Variants in KHDRBS2 observed in about 807,000 individuals in gnomAD.
The protein encoded by KHDRBS2 is KH domain-containing, RNA-binding, signal transduction-associated protein 2.
In KHDRBS2, 26 loss-of-function variants were observed where a neutral mutation model predicts 44.3. The ratio of observed to expected loss-of-function variants is 0.59; its 90% CI spans 0.43 to 0.81. KHDRBS2 has a LOEUF of 0.81. Ranked by LOEUF, KHDRBS2 falls within the 40% of genes least tolerant of loss-of-function variation. KHDRBS2 has a pLI of 0.00. For synonymous variants in KHDRBS2, 194 were observed against 151.1 expected (o/e 1.28, Z -2.08); for missense variants, 476 against 433.1 (o/e 1.10, Z -0.88).
downstream of KHDRBS2, among the ~76,000 whole-genome samples, chr6:61,676,881 A>T (rs1196551966): frequency 1.3e-5 from 2 of 151,870 alleles, no homozygotes; most frequent in Admixed American, 6.6e-5. Context: ...GAGCCTGGAC[A>T]ACCTTTATCT....
At chr6:62,223,267 C>T (rs553216197) in intron 1 of KHDRBS2, among the ~76,000 whole-genome samples, 9 of 152,354 alleles carry the variant, frequency 5.9e-5, no homozygotes, top group Non-Finnish European at 1.0e-4. Context: ...TTGGGGCTTG[C>T]GCCTTCTGAA....
chr6:61,814,002 G>T, intron 6 of KHDRBS2: 1 of 455,858 alleles, frequency 2.2e-6, no homozygotes, highest in South Asian at 1.5e-5. Context: ...TTCGTCCTGG[G>T]TTAAGTCTGG....
the KHDRBS2 span, among the ~76,000 whole-genome samples, chr6:61,604,858 T>A: frequency 1.3e-5 from 2 of 152,312 alleles, no homozygotes; most frequent in East Asian, 3.9e-4. Flanking sequence ...TTTCTTCCCT[T>A]CTGTAAGACA....
the KHDRBS2 span, among the ~76,000 whole-genome samples, chr6:61,572,870 C>G: frequency 1.3e-5 from 2 of 152,086 alleles, no homozygotes; most frequent in Admixed American, 1.3e-4. Context: ...TTACATTAAA[C>G]AGGGAAAACT....
the KHDRBS2 span, among the ~76,000 whole-genome samples, chr6:61,642,377 C>T: frequency 6.6e-6 from 1 of 151,614 alleles, no homozygotes; most frequent in Non-Finnish European, 1.5e-5. Flanking sequence ...ATTTTTAGGC[C>T]AGGCGCTGTG....
intron 7 of KHDRBS2, among the ~76,000 whole-genome samples, chr6:61,711,405 C>A (rs1451942775): frequency 6.6e-6 from 1 of 151,604 alleles, no homozygotes; most frequent in African/African-American, 2.4e-5. Context: ...TCAAAACCAG[C>A]AATAAGAAGC....
At chr6:61,557,976 T>C in the KHDRBS2 span, among the ~76,000 whole-genome samples, 2 of 152,176 alleles carry the variant, frequency 1.3e-5, no homozygotes, top group Non-Finnish European at 2.9e-5. Flanking sequence ...GTATCAGTTG[T>C]AATGTCTCCT....
chr6:62,260,106 G>T (rs1838093528), intron 1 of KHDRBS2, among the ~76,000 whole-genome samples: 1 of 151,930 alleles, frequency 6.6e-6, no homozygotes, highest in Non-Finnish European at 1.5e-5. Context: ...CTCCCTAGTT[G>T]CATGGACCTT....
chr6:62,180,332 T>C (rs1340673343), intron 1 of KHDRBS2, among the ~76,000 whole-genome samples: 1 of 151,852 alleles, frequency 6.6e-6, no homozygotes, highest in South Asian at 2.1e-4. Context: ...AACTAATAAG[T>C]GAATTCAGGA....
At chr6:61,575,746 A>G in the KHDRBS2 span, among the ~76,000 whole-genome samples, 2 of 152,208 alleles carry the variant, frequency 1.3e-5, no homozygotes, top group Non-Finnish European at 2.9e-5. Flanking sequence ...AATGTGGTAT[A>G]TATACACCAT....
intron 4 of KHDRBS2, among the ~76,000 whole-genome samples, chr6:61,944,443 T>TAA (rs765706627): frequency 6.3e-5 from 9 of 142,338 alleles, no homozygotes; most frequent in African/African-American, 2.3e-4. Flanking sequence ...ATGTGCAAGG[T>TAA]AAAAAAAAAA....
At chr6:62,214,494 C>G (rs900777362) in intron 1 of KHDRBS2, among the ~76,000 whole-genome samples, 4 of 147,278 alleles carry the variant, frequency 2.7e-5, no homozygotes, top group African/African-American at 9.8e-5. Flanking sequence ...TAAGACCTAA[C>G]CAGACCAATC....
At chr6:61,817,909 T>C (rs573412850) in intron 6 of KHDRBS2, among the ~76,000 whole-genome samples, 2 of 152,168 alleles carry the variant, frequency 1.3e-5, no homozygotes, top group South Asian at 2.1e-4. Flanking sequence ...AGACTTTCTG[T>C]AATTAGAGTG....
At chr6:61,984,668 G>T (rs1383072228) in intron 3 of KHDRBS2, among the ~76,000 whole-genome samples, 2 of 152,030 alleles carry the variant, frequency 1.3e-5, no homozygotes, top group Non-Finnish European at 2.9e-5. Flanking sequence ...CCTAAAGTTT[G>T]GTATATAAAC....
At chr6:61,830,020 T>A (rs1325338316) in intron 6 of KHDRBS2, among the ~76,000 whole-genome samples, 1 of 152,224 alleles carries the variant, frequency 6.6e-6, no homozygotes, top group Non-Finnish European at 1.5e-5. Context: ...AGTTGTCTAC[T>A]ACTCTGAATC....
intron 3 of KHDRBS2, among the ~76,000 whole-genome samples, chr6:62,002,996 T>A (rs981378253): frequency 3.3e-5 from 5 of 152,140 alleles, no homozygotes; most frequent in African/African-American, 1.2e-4. Context: ...TATGTAAAAA[T>A]TTCATAGTTA....
intron 6 of KHDRBS2, among the ~76,000 whole-genome samples, chr6:61,780,228 C>T (rs754622919): frequency 2.6e-5 from 4 of 152,234 alleles, no homozygotes; most frequent in Admixed American, 1.3e-4. Flanking sequence ...AGGCCGGATG[C>T]GGTGGCTCAT....
At position 62,047,130 on chromosome 6, in the gene KHDRBS2, T is replaced by A. The variant is rs145185203; in HGVS notation, c.336+748A>T. Among the ~76,000 whole-genome samples the A allele has an allele frequency of 8.1e-3, 1,231 of 152,008 alleles. 12 individuals are homozygous for A. Among genetic ancestry groups the A allele is most frequent in the African/African-American group, 0.028 (1,157 of 41,530 alleles). On this transcript the variant is annotated intron_variant, in intron 3 of 8. Coordinates refer to ENST00000281156, the MANE Select transcript of KHDRBS2 (RefSeq NM_152688.4). ...CATTCTCCATAATAACATTACCAAG[T>A]CACAAAAGTGTGGCCTGGTCAAATG...
intron 3 of KHDRBS2, among the ~76,000 whole-genome samples, chr6:62,011,971 G>GA (rs1780381082): frequency 6.6e-6 from 1 of 151,942 alleles, no homozygotes; most frequent in African/African-American, 2.4e-5. Context: ...ACATACACAA[G>GA]AAAAAAGTGG....
Sources: gnomAD v4.1 joint callset for allele counts (sites outside exome capture counted in the v4.1 genomes callset) on GRCh38, gnomAD v4.1.1 for gene constraint, MANE v1.5 for transcripts, NCBI Gene and HGNC (gene_info 2026-07-23, HGNC 2026-07-21) for gene names.